TBC1D12: variants seen among roughly 807,000 people sequenced by gnomAD.
The protein encoded by TBC1D12 is TBC1 domain family, member 12.
In TBC1D12, 56 loss-of-function variants were observed where a neutral mutation model predicts 86.7. That is an observed-to-expected ratio of 0.65 (90% CI 0.52 to 0.81). The LOEUF (loss-of-function observed/expected upper bound fraction) is 0.81, where lower values mean the gene tolerates loss of function less well. TBC1D12 is among the 30% of genes least tolerant of loss of function. The pLI is 0.00. For missense variants in TBC1D12, 1,023 were observed against 1,038.8 expected (o/e 0.98, Z 0.21); for synonymous variants, 421 against 411.7 (o/e 1.02, Z -0.27).
chr10:94,499,578 C>G (rs1352994542), intron 5 of TBC1D12, among the ~76,000 whole-genome samples: 3 of 152,154 alleles, frequency 2.0e-5, no homozygotes, highest in Non-Finnish European at 4.4e-5. Context: ...TCTGCAATGC[C>G]TACTGTAGTT....
In TBC1D12 at chr10:94,404,718, T is replaced by A. The variant is rs559184873; in HGVS notation, c.971+1134T>A. ...GACTTCGCAGATTTCAGGATGGAGGTTTGTTGATTTAATAGGGATAAATAA... is the reference window on the plus strand; with the variant it reads ...GACTTCGCAGATTTCAGGATGGAGGATTGTTGATTTAATAGGGATAAATAA... On this transcript the variant is annotated intron_variant, in intron 1 of 12. Transcript: ENST00000225235. 2.7e-5 allele frequency among the ~76,000 whole-genome samples: 4 copies of A among 149,824 alleles called. No homozygotes were observed. In the South Asian group the frequency reaches 8.5e-4, roughly 32 times the overall value.
intron 4 of TBC1D12, among the ~76,000 whole-genome samples, chr10:94,496,016 T>G (rs946168184): frequency 6.6e-6 from 1 of 151,944 alleles, no homozygotes; most frequent in South Asian, 2.1e-4. Flanking sequence ...GGCAGGAGAA[T>G]TGCTTGATCC....
At chr10:94,433,877 T>TC (rs1215906593) in intron 1 of TBC1D12, among the ~76,000 whole-genome samples, 1 of 152,190 alleles carries the variant, frequency 6.6e-6, no homozygotes, top group African/African-American at 2.4e-5. Flanking sequence ...TGGAATGCTT[T>TC]TTTTTTTCTC....
chr10:94,526,912 G>T (rs1334655947), intron 11 of TBC1D12, among the ~76,000 whole-genome samples: 1 of 152,046 alleles, frequency 6.6e-6, no homozygotes, highest in African/African-American at 2.4e-5. Context: ...TTGTCTTTTT[G>T]ATAATAGCTA....
Position 94,522,345 on chromosome 10 carries a change from T to A in TBC1D12, c.1892T>A (p.Met631Lys). ...LAFFRVDHSM[M>K]LKYFATFEVF... ...TTTTATTGATTTTTTAATCTTTAGATGTTGAAATATTTTGCAACATTTGAA... is the reference window on the plus strand; with the variant it reads ...TTTTATTGATTTTTTAATCTTTAGAAGTTGAAATATTTTGCAACATTTGAA... The change falls in exon 11 of 13, where the codon ATG becomes AAG. Residue 631 changes from methionine to lysine, a missense_variant and splice_region_variant. Coordinates refer to ENST00000225235, the MANE Select transcript of TBC1D12 (RefSeq NM_015188.2). 1 of 1,355,228 alleles carries A rather than the reference T, an allele frequency of 7.4e-7. No homozygotes were observed. The highest frequency in any genetic ancestry group is 1.0e-6 in the Non-Finnish European group (1 of 988,110). 84.0% of individuals were successfully genotyped at this position (1,355,228 alleles called of 1,614,324 possible).
intron 1 of TBC1D12, among the ~76,000 whole-genome samples, chr10:94,428,128 G>A (rs2055170997): frequency 1.3e-5 from 2 of 152,082 alleles, no homozygotes; most frequent in South Asian, 2.1e-4. Context: ...AAAAAGAAAA[G>A]CAACTATGCA....
intron 9 of TBC1D12, among the ~76,000 whole-genome samples, chr10:94,514,340 G>A (rs143505364): frequency 0.014 from 2,169 of 152,182 alleles, 59 homozygotes; most frequent in African/African-American, 0.047. Flanking sequence ...GTGCCTGGGC[G>A]ATAGAGTGAG....
intron 3 of TBC1D12, among the ~76,000 whole-genome samples, chr10:94,475,850 T>G (rs1176746734): frequency 2.6e-5 from 4 of 152,226 alleles, no homozygotes; most frequent in African/African-American, 4.8e-5. Context: ...CAAGACCACT[T>G]GGTTCTTAGC....
chr10:94,442,977 G>A (rs536328597), intron 2 of TBC1D12, among the ~76,000 whole-genome samples: 1 of 151,990 alleles, frequency 6.6e-6, no homozygotes, highest in Non-Finnish European at 1.5e-5. Context: ...TGAATAAAAG[G>A]TTTATTTTTT....
At chr10:94,519,903 A>G (rs1321741589) in intron 9 of TBC1D12, among the ~76,000 whole-genome samples, 1 of 152,206 alleles carries the variant, frequency 6.6e-6, no homozygotes, top group Non-Finnish European at 1.5e-5. Flanking sequence ...TCATATCTGT[A>G]GAGTCCCTTT....
chr10:94,529,296 C>A (rs1257720095), intron 11 of TBC1D12, among the ~76,000 whole-genome samples: 1 of 152,136 alleles, frequency 6.6e-6, no homozygotes, highest in Non-Finnish European at 1.5e-5. Flanking sequence ...CATGAGCCAC[C>A]AGACCCGACT....
chr10:94,441,091 G>T (rs1232064743), intron 1 of TBC1D12, among the ~76,000 whole-genome samples: 1 of 151,172 alleles, frequency 6.6e-6, no homozygotes, highest in Non-Finnish European at 1.5e-5. Flanking sequence ...CTCGTGATCC[G>T]CCCGCCTCAA....
chr10:94,433,480 G>C (rs995715430), intron 1 of TBC1D12, among the ~76,000 whole-genome samples: 2 of 152,112 alleles, frequency 1.3e-5, no homozygotes, highest in Non-Finnish European at 2.9e-5. Context: ...CATTTTAGGT[G>C]TGATTTTAAA....
intron 2 of TBC1D12, among the ~76,000 whole-genome samples, chr10:94,457,018 C>T (rs2055637052): frequency 6.6e-6 from 1 of 152,166 alleles, no homozygotes; most frequent in South Asian, 2.1e-4. Flanking sequence ...CATGGTATAT[C>T]TTTCTCCATC....
chr10:94,447,680 G>A, intron 2 of TBC1D12: 1 of 984,556 alleles, frequency 1.0e-6, no homozygotes. Flanking sequence ...GGTGAGCCGT[G>A]TTAAAAATTG....
chr10:94,441,209 A>G (rs2055375959), intron 1 of TBC1D12, among the ~76,000 whole-genome samples: 1 of 150,106 alleles, frequency 6.7e-6, no homozygotes, highest in Admixed American at 6.6e-5. Flanking sequence ...TTGGTTATAT[A>G]TTGACTCTTT....
At chr10:94,520,438 C>G (rs1046458141) in intron 9 of TBC1D12, among the ~76,000 whole-genome samples, 1 of 152,058 alleles carries the variant, frequency 6.6e-6, no homozygotes, top group Admixed American at 6.6e-5. Flanking sequence ...GTAATCCCAG[C>G]TACTCGGGAG....
At chr10:94,491,898 A>C (rs918250308) in intron 3 of TBC1D12, among the ~76,000 whole-genome samples, 5 of 108,924 alleles carry the variant, frequency 4.6e-5, no homozygotes, top group African/African-American at 1.1e-4. Flanking sequence ...AAAAAGGTGA[A>C]AGTTCTCAAA....
intron 5 of TBC1D12, 101 bp downstream of exon 5, chr10:94,497,273 T>C: frequency 5.1e-6 from 3 of 592,540 alleles, no homozygotes; most frequent in Non-Finnish European, 8.1e-6. Context: ...AGTTTTAGGG[T>C]ACATGTGCAC....
Sources: allele counts gnomAD v4.1 joint callset (sites outside exome capture counted in the v4.1 genomes callset), GRCh38; gene constraint gnomAD v4.1.1; transcripts MANE v1.5; gene names NCBI Gene and HGNC (gene_info 2026-07-23, HGNC 2026-07-21).